RAB10: variants seen among roughly 807,000 people sequenced by gnomAD.
The protein encoded by RAB10 is ras-related protein Rab-10.
RAB10 carries 5 observed loss-of-function variants against 25.7 expected under a neutral mutation model. That is an observed-to-expected ratio of 0.19 (90% CI 0.10 to 0.41). The LOEUF (loss-of-function observed/expected upper bound fraction) is 0.41. Among genes scored for constraint, RAB10 ranks in the 10% least tolerant of loss-of-function variants. RAB10 has a pLI of 1.00. For missense variants in RAB10, 103 were observed against 245.8 expected (o/e 0.42, Z 3.89); for synonymous variants, 89 against 86.4 (o/e 1.03, Z -0.16).
At chr2:26,077,935 C>CGCCACTGCACTCCACTTGGCTCGCT (rs1574540660) in intron 1 of RAB10, among the ~76,000 whole-genome samples, 2 of 151,974 alleles carry the variant, frequency 1.3e-5, no homozygotes, top group East Asian at 3.9e-4. Flanking sequence ...GCCAAGATCG[C>CGCCACTGCACTCCACTTGGCTCGCT]GCCACTGCAC....
At chr2:26,134,847 A>G (rs766271698) in intron 5 of RAB10, 91 bp from the exon 6 acceptor site, 7 of 991,702 alleles carry the variant, frequency 7.1e-6, no homozygotes, top group Non-Finnish European at 1.1e-5. Flanking sequence ...ATTTTGTTGT[A>G]TAAATTGACA....
chr2:26,044,703 T>C (rs184994843), intron 1 of RAB10, among the ~76,000 whole-genome samples: 201 of 152,092 alleles, frequency 1.3e-3, no homozygotes, highest in Non-Finnish European at 2.4e-3. Flanking sequence ...GAGCCACCAC[T>C]GCTGGCTAAT....
intron 1 of RAB10, among the ~76,000 whole-genome samples, chr2:26,056,701 C>T (rs991402585): frequency 6.6e-6 from 1 of 152,140 alleles, no homozygotes; most frequent in Non-Finnish European, 1.5e-5. Context: ...GATCATAACT[C>T]ACTGTAACCT....
At chr2:26,088,824 C>T (rs991133573) in intron 1 of RAB10, among the ~76,000 whole-genome samples, 2 of 151,912 alleles carry the variant, frequency 1.3e-5, no homozygotes, top group Admixed American at 6.6e-5. Context: ...AGGGTTTCAC[C>T]GTGTTGGCAA....
At chr2:26,036,262 T>G (rs1665761748) in intron 1 of RAB10, among the ~76,000 whole-genome samples, 1 of 152,150 alleles carries the variant, frequency 6.6e-6, no homozygotes, top group Non-Finnish European at 1.5e-5. Context: ...TCCGGTGAGA[T>G]AATCATAATA....
In RAB10 at chr2:26,108,818, C is replaced by G. The variant is rs115512564; in HGVS notation, c.189-950C>G. 7.1e-3 allele frequency among the ~76,000 whole-genome samples: 1,073 copies of G among 152,128 alleles called. 6 individuals carry two copies. The highest frequency in any genetic ancestry group is 0.013 in the Non-Finnish European group (887 of 68,000). Reference sequence around the variant, plus strand: ...AAAATAAAAGTTTTAAAAATATTAACTCGAAAGAGGAGCAGGGATAGTTGG... The same window carrying G: ...AAAATAAAAGTTTTAAAAATATTAAGTCGAAAGAGGAGCAGGGATAGTTGG... On this transcript the variant is annotated intron_variant, in intron 2 of 5. Transcript: ENST00000264710.
At chr2:26,037,564 G>T (rs568160045) in intron 1 of RAB10, among the ~76,000 whole-genome samples, 2 of 152,078 alleles carry the variant, frequency 1.3e-5, no homozygotes, top group East Asian at 3.9e-4. Context: ...GCTTGAACCC[G>T]GGAGACAGAG....
intron 2 of RAB10, among the ~76,000 whole-genome samples, chr2:26,100,841 GA>G (rs952720637): frequency 1.3e-5 from 2 of 150,852 alleles, no homozygotes; most frequent in African/African-American, 4.9e-5. Context: ...TTCATTCAAG[GA>G]TTTTTTTTTT....
chr2:26,098,560 C>T (rs1053358717), intron 1 of RAB10, 102 bp from the exon 2 acceptor site: 1 of 833,642 alleles, frequency 1.2e-6, no homozygotes, highest in Non-Finnish European at 1.9e-6. Context: ...ATCAAACAAA[C>T]ACAGACAAGT....
In RAB10 at chr2:26,098,980, A is replaced by G. The variant is rs556269233; in HGVS notation, c.188+258A>G. 2.6e-5 allele frequency among the ~76,000 whole-genome samples: 4 copies of G among 152,370 alleles called. No individual in the cohort carries two copies. In the South Asian group the frequency reaches 8.3e-4, roughly 32 times the overall value. ...TTTTTATCTTCATATGTAAAGGGAG[A>G]TAGTAACACCCGTCTCAATGGATTG... On this transcript the variant is annotated intron_variant, in intron 2 of 5. Coordinates refer to ENST00000264710, the MANE Select transcript of RAB10 (RefSeq NM_016131.5).
chr2:26,043,744 G>A (rs1665939243), intron 1 of RAB10, among the ~76,000 whole-genome samples: 1 of 152,202 alleles, frequency 6.6e-6, no homozygotes, highest in African/African-American at 2.4e-5. Context: ...GGGGGACAGA[G>A]TAATGGGGAG....
chr2:26,124,510 C>T (rs1004092109), intron 3 of RAB10, among the ~76,000 whole-genome samples: 5 of 146,932 alleles, frequency 3.4e-5, no homozygotes, highest in Non-Finnish European at 7.4e-5. Flanking sequence ...AAGTGCTCCT[C>T]CTGCCTCAGC....
chr2:26,135,049 C>T lies in RAB10; in HGVS notation c.*28C>T. The T allele has an allele frequency of 6.4e-7, 1 of 1,562,158 alleles. No homozygotes were observed. Among genetic ancestry groups the T allele is most frequent in the African/African-American group, 1.4e-5 (1 of 73,770 alleles). ...ATTCTCCTGTTCCATCAGTTGCCATCCACTACCCCGTTTTCTCTTCTTGCT... is the reference window on the plus strand; with the variant it reads ...ATTCTCCTGTTCCATCAGTTGCCATTCACTACCCCGTTTTCTCTTCTTGCT... On this transcript the variant is annotated 3_prime_UTR_variant, in exon 6 of 6. Transcript: ENST00000264710.
chr2:26,127,792 T>A (rs1414231799), intron 4 of RAB10, 58 bp from the exon 5 acceptor site: 10 of 1,237,882 alleles, frequency 8.1e-6, no homozygotes, highest in Non-Finnish European at 1.2e-5. Flanking sequence ...GCTGTTAAAG[T>A]CAGCAGTTGG....
At chr2:26,058,384 A>G (rs1666313186) in intron 1 of RAB10, among the ~76,000 whole-genome samples, 1 of 152,148 alleles carries the variant, frequency 6.6e-6, no homozygotes, top group Admixed American at 6.6e-5. Flanking sequence ...CAGAAAGAAC[A>G]TGTAAGGCTC....
chr2:26,077,537 T>G (rs1287999753), intron 1 of RAB10, among the ~76,000 whole-genome samples: 1 of 152,228 alleles, frequency 6.6e-6, no homozygotes, highest in Non-Finnish European at 1.5e-5. Context: ...GCATTAAGAA[T>G]TTATGATACA....
intron 3 of RAB10, among the ~76,000 whole-genome samples, chr2:26,111,578 C>G (rs1667572604): frequency 6.7e-6 from 1 of 149,796 alleles, no homozygotes; most frequent in Non-Finnish European, 1.5e-5. Flanking sequence ...TGTACTCCAG[C>G]CTGGGCAACA....
At chr2:26,117,619 C>CAA (rs71399361) in intron 3 of RAB10, among the ~76,000 whole-genome samples, 15 of 34,336 alleles carry the variant, frequency 4.4e-4, no homozygotes, top group African/African-American at 1.5e-3. Context: ...GACTCCGTCT[C>CAA]AAAAAAAAAA....
chr2:26,049,230 C>A (rs1316478619), intron 1 of RAB10, among the ~76,000 whole-genome samples: 2 of 144,330 alleles, frequency 1.4e-5, no homozygotes, highest in Non-Finnish European at 3.0e-5. Flanking sequence ...TCTGATTGCT[C>A]CCGTACCATT....
Sources: allele counts gnomAD v4.1 joint callset (sites outside exome capture counted in the v4.1 genomes callset), GRCh38; gene constraint gnomAD v4.1.1; transcripts MANE v1.5; gene names NCBI Gene and HGNC (gene_info 2026-07-23, HGNC 2026-07-21).